INTS7: variants seen among roughly 807,000 people sequenced by gnomAD.
INTS7 encodes chromosome 1 open reading frame 73.
INTS7 carries 46 observed loss-of-function variants against 109.2 expected under a neutral mutation model. That is an observed-to-expected ratio of 0.42 (90% CI 0.33 to 0.54). The LOEUF is 0.54. Ranked by LOEUF, INTS7 falls within the 20% of genes least tolerant of loss-of-function variation. The pLI is 0.07. For synonymous variants in INTS7, 412 were observed against 402.9 expected (o/e 1.02, Z -0.27); for missense variants, 929 against 1,132.4 (o/e 0.82, Z 2.58).
Position 211,967,965 on chromosome 1 carries a change from T to C in INTS7, c.2027A>G (p.Glu676Gly). 6.3e-7 allele frequency: 1 copy of C among 1,587,806 alleles called. No individual in the cohort carries two copies. The highest frequency in any genetic ancestry group is 8.6e-7 in the Non-Finnish European group (1 of 1,162,714). ...TCGAGAAGCAAGGCTTCGAAATTCT[T>C]CCATGGACTGTTTCATCTATAAAAA... ...RISNQMKQSM[E>G]EFRSLASRYG... Residue 676 changes from glutamate to glycine, a missense_variant, in exon 15 of 20, where the codon GAA (glutamate) becomes GGA (glycine). Physicochemically the swap from Glu to Gly is moderately conservative, Grantham distance 98. Around this residue, in one of 2 missense-constraint regions of INTS7, gnomAD observed 787 missense variants for 901.1 expected, o/e 0.87. Transcript: ENST00000366994.
intron 16 of INTS7, among the ~76,000 whole-genome samples, chr1:211,963,350 G>A (rs188181120): frequency 6.6e-6 from 1 of 151,862 alleles, no homozygotes; most frequent in East Asian, 1.9e-4. Context: ...GTAATAAACA[G>A]CCTACCAACC....
chr1:211,985,018 T>A (rs1297232344), intron 8 of INTS7, among the ~76,000 whole-genome samples: 1 of 152,206 alleles, frequency 6.6e-6, no homozygotes, highest in Non-Finnish European at 1.5e-5. Context: ...ATCTTGTATA[T>A]ATGCCATTTC....
intron 1 of INTS7, among the ~76,000 whole-genome samples, chr1:212,033,901 G>A (rs1363741334): frequency 6.6e-6 from 1 of 152,170 alleles, no homozygotes; most frequent in Non-Finnish European, 1.5e-5. Context: ...TGGCCAACAT[G>A]GTGAAACCCC....
At chr1:212,008,140 G>A (rs1666015898) in intron 5 of INTS7, among the ~76,000 whole-genome samples, 1 of 152,102 alleles carries the variant, frequency 6.6e-6, no homozygotes, top group Non-Finnish European at 1.5e-5. Flanking sequence ...AATAATTGTG[G>A]GTATGAACGT....
intron 6 of INTS7, 128 bp downstream of exon 6, chr1:212,007,122 A>T: frequency 1.4e-6 from 1 of 697,528 alleles, no homozygotes; most frequent in Non-Finnish European, 2.4e-6. Flanking sequence ...AAAGCAAATT[A>T]ATCTGACCTT....
At chr1:211,989,390 T>TTA (rs3043287) in intron 7 of INTS7, among the ~76,000 whole-genome samples, 1 of 151,696 alleles carries the variant, frequency 6.6e-6, no homozygotes, top group African/African-American at 2.4e-5. Context: ...TTTTTTTTTT[T>TTA]ATGGCAAATA....
chr1:212,004,163 G>A (rs1486295061), intron 7 of INTS7, among the ~76,000 whole-genome samples: 1 of 152,132 alleles, frequency 6.6e-6, no homozygotes, highest in Admixed American at 6.6e-5. Context: ...TGGGCAACAT[G>A]ATGACGATTC....
rs746851396 is a variant in INTS7 at position 211,967,969 on chromosome 1, T to A, written c.2023A>T (p.Met675Leu). 1.3e-6 allele frequency: 2 copies of A among 1,580,900 alleles called. No individual in the cohort carries two copies. The highest frequency in any genetic ancestry group is 2.3e-5 in the East Asian group (1 of 44,334). Reference sequence around the variant, plus strand: ...GAAGCAAGGCTTCGAAATTCTTCCATGGACTGTTTCATCTATAAAAAAAAA... The same window carrying A: ...GAAGCAAGGCTTCGAAATTCTTCCAAGGACTGTTTCATCTATAAAAAAAAA... ...GRISNQMKQS[M>L]EEFRSLASRY... The change falls in exon 15 of 20, where the codon ATG becomes TTG. Residue 675 changes from methionine (M) to leucine (L), a missense_variant. This residue lies in a region of INTS7 where 787 missense variants were observed against 901.1 expected (regional missense o/e 0.87). Coordinates refer to ENST00000366994, the MANE Select transcript of INTS7 (RefSeq NM_015434.4).
chr1:211,989,698 T>C (rs1665062979), intron 7 of INTS7, among the ~76,000 whole-genome samples: 2 of 151,806 alleles, frequency 1.3e-5, no homozygotes, highest in Non-Finnish European at 2.9e-5. Flanking sequence ...GGTGCACACC[T>C]GTAGTACCAG....
chr1:211,996,364 G>A (rs963538149), intron 7 of INTS7, among the ~76,000 whole-genome samples: 1 of 152,120 alleles, frequency 6.6e-6, no homozygotes, highest in African/African-American at 2.4e-5. Context: ...GGAGGCTGAG[G>A]TGAACTGAGA....
intron 5 of INTS7, among the ~76,000 whole-genome samples, chr1:212,007,909 A>T (rs1398005175): frequency 6.6e-6 from 1 of 152,174 alleles, no homozygotes; most frequent in Admixed American, 6.5e-5. Flanking sequence ...AGTCCTCTGA[A>T]CTTTGTGTAG....
At chr1:212,005,737 CTT>C (rs2102466092) in intron 7 of INTS7, among the ~76,000 whole-genome samples, 1 of 152,238 alleles carries the variant, frequency 6.6e-6, no homozygotes, top group East Asian at 1.9e-4. Context: ...CAGAAGCTCT[CTT>C]AATTAAATTC....
At chr1:211,997,447 A>G (rs927517793) in intron 7 of INTS7, among the ~76,000 whole-genome samples, 1 of 147,022 alleles carries the variant, frequency 6.8e-6, no homozygotes, top group Admixed American at 6.9e-5. Context: ...GAGGTGGGAG[A>G]TCACCTGAGG....
intron 4 of INTS7, among the ~76,000 whole-genome samples, chr1:212,016,255 A>T (rs1158818138): frequency 1.3e-5 from 2 of 152,220 alleles, no homozygotes; most frequent in Admixed American, 6.5e-5. Context: ...GTACTTGTTT[A>T]AGGCTTTTCA....
At position 211,946,231 on chromosome 1, in the gene INTS7, C is replaced by G. The variant is rs1033353714; in HGVS notation, c.2415+376G>C. Among the ~76,000 whole-genome samples the G allele has an allele frequency of 1.3e-5, 2 of 152,152 alleles. No individual in the cohort carries two copies. The highest frequency in any genetic ancestry group is 4.8e-5 in the African/African-American group (2 of 41,430). On this transcript the variant is annotated intron_variant, in intron 18 of 19. Transcript: ENST00000366994. This position sits in a 1 kb window ranked among gnomAD's most constrained non-coding sequence, Gnocchi z 4.3. ...GGCACAGTGGCTCATGCCTGTAATC[C>G]CAGCACTTTGGGAGGCAGAGGTGGG...
At chr1:211,977,474 C>T (rs919162977) in intron 11 of INTS7, among the ~76,000 whole-genome samples, 3 of 152,224 alleles carry the variant, frequency 2.0e-5, no homozygotes, top group Non-Finnish European at 4.4e-5. Flanking sequence ...AAGATCCATA[C>T]ATTTGGTCAT....
At chr1:211,994,177 A>C (rs563684418) in intron 7 of INTS7, among the ~76,000 whole-genome samples, 40 of 152,314 alleles carry the variant, frequency 2.6e-4, no homozygotes, top group African/African-American at 9.1e-4. Context: ...GTAATTGTAA[A>C]ATAATGATGG....
intron 4 of INTS7, among the ~76,000 whole-genome samples, chr1:212,013,064 CG>C (rs1420298710): frequency 6.6e-6 from 1 of 152,178 alleles, no homozygotes; most frequent in East Asian, 1.9e-4. Context: ...AGCATAACAA[CG>C]TTTTGGTCAA....
At chr1:211,987,330 CA>C (rs1558040486) in intron 8 of INTS7, among the ~76,000 whole-genome samples, 1 of 151,684 alleles carries the variant, frequency 6.6e-6, no homozygotes, top group Non-Finnish European at 1.5e-5. Flanking sequence ...AAAAAAAACC[CA>C]AAATGACAAA....
Sources: allele counts gnomAD v4.1 joint callset (sites outside exome capture counted in the v4.1 genomes callset), GRCh38; gene constraint gnomAD v4.1.1; regional missense constraint gnomAD v4.1.1; non-coding constraint Gnocchi (gnomAD v3.1); transcripts MANE v1.5; gene names NCBI Gene and HGNC (gene_info 2026-07-23, HGNC 2026-07-21).